The following GPC6 variants were observed in gnomAD, a reference collection of about 807,000 sequenced individuals.
GPC6 encodes the protein glypican-6.
GPC6 carries 14 observed loss-of-function variants against 55.2 expected under a neutral mutation model. That is an observed-to-expected ratio of 0.25 (90% CI 0.17 to 0.40). The LOEUF (loss-of-function observed/expected upper bound fraction) is 0.40, where lower values mean the gene tolerates loss of function less well. Among genes scored for constraint, GPC6 ranks in the 10% least tolerant of loss-of-function variants. The pLI, the probability that GPC6 is intolerant of heterozygous loss-of-function variation, is 1.00. For missense variants in GPC6, 641 were observed against 708.5 expected (o/e 0.90, Z 1.08); for synonymous variants, 278 against 259.6 (o/e 1.07, Z -0.68).
intron 2 of GPC6, among the ~76,000 whole-genome samples, chr13:93,677,305 A>G (rs1197073952): frequency 6.6e-6 from 1 of 152,120 alleles, no homozygotes; most frequent in Non-Finnish European, 1.5e-5. Context: ...TCTTATAAGT[A>G]TAGTTATCCC....
At chr13:93,515,952 A>G (rs1057128172) in intron 1 of GPC6, among the ~76,000 whole-genome samples, 56 of 152,190 alleles carry the variant, frequency 3.7e-4, no homozygotes, top group Non-Finnish European at 2.9e-4. Context: ...CAAAACTCAC[A>G]TAGTGGCTTA....
intron 2 of GPC6, among the ~76,000 whole-genome samples, chr13:93,653,575 CGTGTGTGTGTGTGTGTGTGT>C: frequency 6.9e-6 from 1 of 145,758 alleles, no homozygotes; most frequent in African/African-American, 2.5e-5. Flanking sequence ...AGTATATGGC[CGTGTGTGTGTGTGTGTGTGT>C]GTGTGTGTGT....
At chr13:94,070,320 T>C (rs953771687) in intron 4 of GPC6, among the ~76,000 whole-genome samples, 2 of 152,152 alleles carry the variant, frequency 1.3e-5, no homozygotes, top group African/African-American at 4.8e-5. Flanking sequence ...CTGTGACATG[T>C]AGGAATTGTC....
chr13:93,717,003 G>A (rs555178701), intron 2 of GPC6, among the ~76,000 whole-genome samples: 47 of 151,752 alleles, frequency 3.1e-4, no homozygotes, highest in Non-Finnish European at 5.0e-4. Flanking sequence ...AGGAGCAACA[G>A]GCTATATACC....
At chr13:93,383,379 T>C (rs1875265543) in intron 1 of GPC6, among the ~76,000 whole-genome samples, 1 of 152,108 alleles carries the variant, frequency 6.6e-6, no homozygotes, top group African/African-American at 2.4e-5. Flanking sequence ...ACCCAGCTCA[T>C]TTTTTAAAAG....
At chr13:93,668,615 C>T (rs1021713960) in intron 2 of GPC6, among the ~76,000 whole-genome samples, 17 of 152,036 alleles carry the variant, frequency 1.1e-4, no homozygotes, top group African/African-American at 2.4e-4. Context: ...GAAAGGAGAC[C>T]GCCATGTGAA....
In GPC6 at chr13:93,492,393, G is replaced by A. The variant is rs1302763213; in HGVS notation, c.161-52870G>A. On this transcript the variant is annotated intron_variant, in intron 1 of 8. Transcript: ENST00000377047. ...TTTTGTATCCTGAGACTTTGCTGAA[G>A]TTGCTTATCAGCTTAAGGAGATTTT... is the stretch of plus-strand genomic sequence containing the variant. Among the ~76,000 whole-genome samples the A allele has an allele frequency of 6.1e-5, 9 of 147,600 alleles. No homozygotes were observed. The East Asian group carries it at 1.8e-3, about 29-fold the overall frequency.
At chr13:93,415,538 T>C (rs191833507) in intron 1 of GPC6, among the ~76,000 whole-genome samples, 1 of 152,270 alleles carries the variant, frequency 6.6e-6, no homozygotes, top group East Asian at 1.9e-4. Flanking sequence ...CTATGATTAA[T>C]TTTCAGAAGA....
At chr13:93,451,958 T>C (rs1464682196) in intron 1 of GPC6, among the ~76,000 whole-genome samples, 1 of 152,212 alleles carries the variant, frequency 6.6e-6, no homozygotes, top group East Asian at 1.9e-4. Context: ...GATGCCATCT[T>C]AGCTGGGTTT....
At chr13:94,126,398 A>C (rs1385039741) in intron 4 of GPC6, among the ~76,000 whole-genome samples, 1 of 152,098 alleles carries the variant, frequency 6.6e-6, no homozygotes, top group Admixed American at 6.6e-5. Flanking sequence ...TATAAAAATA[A>C]AGCAATACTA....
intron 4 of GPC6, among the ~76,000 whole-genome samples, chr13:94,213,705 G>A (rs1890150172): frequency 6.6e-6 from 1 of 152,140 alleles, no homozygotes; most frequent in African/African-American, 2.4e-5. Flanking sequence ...TTGAGCCGAA[G>A]CTGTGGAGGT....
intron 4 of GPC6, among the ~76,000 whole-genome samples, chr13:94,145,753 AG>A (rs1887541457): frequency 6.6e-6 from 1 of 152,318 alleles, no homozygotes; most frequent in East Asian, 1.9e-4. Flanking sequence ...TACTGATTAA[AG>A]GAGTCATACT....
chr13:94,108,874 A>C (rs773057981), intron 4 of GPC6, among the ~76,000 whole-genome samples: 85 of 151,700 alleles, frequency 5.6e-4, no homozygotes, highest in Non-Finnish European at 9.1e-4. Flanking sequence ...AAGTTTTTTT[A>C]ATAATTTAAA....
intron 3 of GPC6, among the ~76,000 whole-genome samples, chr13:93,877,398 T>G (rs1018199177): frequency 6.6e-6 from 1 of 151,858 alleles, no homozygotes; most frequent in Admixed American, 6.6e-5. Context: ...TATTTTTAAT[T>G]ACCCCTTTAA....
chr13:93,959,284 T>C (rs1479264631), intron 3 of GPC6, among the ~76,000 whole-genome samples: 1 of 151,844 alleles, frequency 6.6e-6, no homozygotes, highest in Admixed American at 6.6e-5. Context: ...TGCCTCAGCC[T>C]CCCAAGTAGC....
rs72640528 is a variant in GPC6 at position 93,449,359 on chromosome 13, G to A, written c.161-95904G>A. The stretch of plus-strand genomic sequence containing the variant: ...GCTGTCTAGAATTAAGGTGTGAAAC[G>A]CAGGTGGGCACCCTGTCATGGAGGT... On this transcript the variant is annotated intron_variant, in intron 1 of 8. Coordinates refer to ENST00000377047, the MANE Select transcript of GPC6 (RefSeq NM_005708.5). Among the ~76,000 whole-genome samples the A allele has an allele frequency of 8.7e-3, 1,331 of 152,244 alleles. 6 individuals are homozygous for A. Among genetic ancestry groups the A allele is most frequent in the Non-Finnish European group, 0.014 (974 of 67,992 alleles).
chr13:93,667,536 G>A (rs902886867), intron 2 of GPC6, among the ~76,000 whole-genome samples: 1 of 151,676 alleles, frequency 6.6e-6, no homozygotes, highest in African/African-American at 2.4e-5. Context: ...AGGTTCAAGT[G>A]ATTCTCCTGC....
At chr13:93,722,024 A>G (rs1027646490) in intron 2 of GPC6, among the ~76,000 whole-genome samples, 4 of 151,820 alleles carry the variant, frequency 2.6e-5, no homozygotes, top group African/African-American at 9.7e-5. Flanking sequence ...AGTGTCTTGG[A>G]ATTTTTGACA....
chr13:94,009,312 A>G (rs182388936), intron 3 of GPC6, among the ~76,000 whole-genome samples: 25 of 152,346 alleles, frequency 1.6e-4, no homozygotes, highest in African/African-American at 5.8e-4. Context: ...AATTCATTGA[A>G]CATCTTCCAA....
Sources: gnomAD v4.1 joint callset for allele counts (sites outside exome capture counted in the v4.1 genomes callset) on GRCh38, gnomAD v4.1.1 for gene constraint, MANE v1.5 for transcripts, NCBI Gene and HGNC (gene_info 2026-07-23, HGNC 2026-07-21) for gene names.